Variants in SDK1 observed in about 807,000 individuals in gnomAD.
SDK1 encodes protein sidekick-1.
Under a neutral mutation model 245.5 loss-of-function variants are expected in SDK1, and 157 were observed. That is an observed-to-expected ratio of 0.64 (90% CI 0.56 to 0.73). The LOEUF (loss-of-function observed/expected upper bound fraction) is 0.73, where lower values mean the gene tolerates loss of function less well. Among genes scored for constraint, SDK1 ranks in the 30% least tolerant of loss-of-function variants. The pLI, the probability that SDK1 is intolerant of heterozygous loss-of-function variation, is 0.00. For synonymous variants in SDK1, 1,647 were observed against 1,278.5 expected (o/e 1.29, Z -6.15); for missense variants, 3,583 against 3,002.3 (o/e 1.19, Z -4.52).
At chr7:3,316,257 T>G (rs1779660060) in intron 1 of SDK1, among the ~76,000 whole-genome samples, 2 of 152,182 alleles carry the variant, frequency 1.3e-5, no homozygotes, top group African/African-American at 4.8e-5. Context: ...CCTGAAAGAT[T>G]ATAATTCTGT....
intron 5 of SDK1, among the ~76,000 whole-genome samples, chr7:3,944,912 G>C (rs1028542793): frequency 3.9e-5 from 6 of 152,200 alleles, no homozygotes; most frequent in African/African-American, 1.4e-4. Context: ...TCATGGAGGG[G>C]CTGGTTATGA....
chr7:3,583,253 A>G (rs1397917521), intron 1 of SDK1, among the ~76,000 whole-genome samples: 2 of 152,240 alleles, frequency 1.3e-5, no homozygotes, highest in Non-Finnish European at 2.9e-5. Flanking sequence ...CCTGCTCTAA[A>G]ATAACATTCT....
intron 1 of SDK1, among the ~76,000 whole-genome samples, chr7:3,393,554 T>G (rs1258790586): frequency 2.0e-5 from 3 of 152,064 alleles, no homozygotes; most frequent in Admixed American, 2.0e-4. Flanking sequence ...CGGGAAAGAG[T>G]AGATAAAACT....
chr7:3,465,108 C>T (rs753982936), intron 1 of SDK1, among the ~76,000 whole-genome samples: 6 of 152,050 alleles, frequency 3.9e-5, no homozygotes, highest in Non-Finnish European at 5.9e-5. Flanking sequence ...GTGAGATTAC[C>T]GTTAGGGAGC....
intron 4 of SDK1, among the ~76,000 whole-genome samples, chr7:3,677,394 A>G (rs1219412663): frequency 6.6e-6 from 1 of 152,256 alleles, no homozygotes; most frequent in African/African-American, 2.4e-5. Flanking sequence ...TCACAGTTCC[A>G]CATGGCTGGG....
At chr7:3,352,140 A>G (rs1780675878) in intron 1 of SDK1, among the ~76,000 whole-genome samples, 1 of 149,122 alleles carries the variant, frequency 6.7e-6, no homozygotes, top group African/African-American at 2.4e-5. Context: ...TTATAAATAT[A>G]TAAATATATA....
chr7:3,356,098 A>G (rs1406827934), intron 1 of SDK1, among the ~76,000 whole-genome samples: 2 of 152,152 alleles, frequency 1.3e-5, no homozygotes, highest in Non-Finnish European at 2.9e-5. Context: ...ATGAATTCCC[A>G]TGTCAGCCTC....
At chr7:3,543,988 C>G (rs1285727031) in intron 1 of SDK1, among the ~76,000 whole-genome samples, 1 of 152,206 alleles carries the variant, frequency 6.6e-6, no homozygotes, top group Non-Finnish European at 1.5e-5. Flanking sequence ...CACTGGCCAT[C>G]TCTACTACTG....
At chr7:3,601,047 A>G (rs1162416014) in intron 1 of SDK1, among the ~76,000 whole-genome samples, 1 of 151,822 alleles carries the variant, frequency 6.6e-6, no homozygotes, top group Non-Finnish European at 1.5e-5. Flanking sequence ...TGAATGTTGA[A>G]CCAGCCTTAC....
At chr7:3,651,060 T>C (rs916601900) in intron 4 of SDK1, among the ~76,000 whole-genome samples, 3 of 152,092 alleles carry the variant, frequency 2.0e-5, no homozygotes, top group African/African-American at 2.4e-5. Context: ...TAAGACTTCA[T>C]TGTGTTCATA....
intron 5 of SDK1, among the ~76,000 whole-genome samples, chr7:3,844,167 C>T (rs1780222525): frequency 6.6e-6 from 1 of 152,154 alleles, no homozygotes; most frequent in African/African-American, 2.4e-5. Context: ...GGTGGAATTT[C>T]ACCACGTTGG....
chr7:3,845,064 C>A (rs1780243081), intron 5 of SDK1, among the ~76,000 whole-genome samples: 1 of 152,128 alleles, frequency 6.6e-6, no homozygotes, highest in Non-Finnish European at 1.5e-5. Flanking sequence ...GGTCAGCTGC[C>A]CAAAGGTGCA....
At chr7:3,838,138 G>A (rs1478792372) in intron 5 of SDK1, among the ~76,000 whole-genome samples, 1 of 152,220 alleles carries the variant, frequency 6.6e-6, no homozygotes, top group Non-Finnish European at 1.5e-5. Flanking sequence ...TGCATTCATG[G>A]TCTATAGTAG....
chr7:4,200,223 A>G (rs559523535), intron 35 of SDK1, among the ~76,000 whole-genome samples: 1 of 152,304 alleles, frequency 6.6e-6, no homozygotes, highest in South Asian at 2.1e-4. Flanking sequence ...TCACCTGTAC[A>G]CCCACACCAT....
intron 1 of SDK1, among the ~76,000 whole-genome samples, chr7:3,437,000 A>G (rs530012503): frequency 2.0e-5 from 3 of 152,298 alleles, no homozygotes; most frequent in East Asian, 3.9e-4. Context: ...TTCCTGGGTT[A>G]TATATGTAAG....
intron 28 of SDK1, among the ~76,000 whole-genome samples, chr7:4,135,355 C>T (rs913303519): frequency 2.0e-5 from 3 of 152,182 alleles, no homozygotes; most frequent in African/African-American, 4.8e-5. Context: ...GAAAGGTGAG[C>T]GCATTCACAC....
intron 4 of SDK1, among the ~76,000 whole-genome samples, chr7:3,693,380 A>T (rs1042827119): frequency 6.6e-6 from 1 of 152,178 alleles, no homozygotes; most frequent in Non-Finnish European, 1.5e-5. Flanking sequence ...ACCAGTTTCA[A>T]AATCACAATG....
rs1226205192 is a variant in SDK1, at chr7:3,556,042, A to G, written c.299-63038A>G. On this transcript the variant is annotated intron_variant, in intron 1 of 44. Coordinates refer to ENST00000404826, the MANE Select transcript of SDK1 (RefSeq NM_152744.4). ...AAAAAAGTAAAAATAGAGCTACCAT[A>G]TGATCCAGCAAAGCCACTGTTAGGT... Among the ~76,000 whole-genome samples, 2 of 152,208 alleles carry G rather than the reference A, an allele frequency of 1.3e-5. 1 individual carries two copies. The highest frequency in any genetic ancestry group is 4.8e-5 in the African/African-American group (2 of 41,446).
intron 1 of SDK1, among the ~76,000 whole-genome samples, chr7:3,586,427 G>A (rs1423553936): frequency 6.6e-6 from 1 of 151,880 alleles, no homozygotes; most frequent in Non-Finnish European, 1.5e-5. Context: ...GCCGGGCGCG[G>A]TGGCTCACGC....
Sources: allele counts gnomAD v4.1 joint callset (sites outside exome capture counted in the v4.1 genomes callset), GRCh38; gene constraint gnomAD v4.1.1; transcripts MANE v1.5; gene names NCBI Gene and HGNC (gene_info 2026-07-23, HGNC 2026-07-21).